SLC25A29: variants seen among roughly 807,000 people sequenced by gnomAD.
SLC25A29 encodes solute carrier family 25 member 29.
In SLC25A29, 13 loss-of-function variants were observed where a neutral mutation model predicts 10.0. The observed-to-expected ratio is 1.30, with a 90% confidence interval of 0.85 to 2.07. The LOEUF is 2.07. Among genes scored for constraint, SLC25A29 ranks in the 30% most tolerant of loss-of-function variants. The pLI, the probability that SLC25A29 is intolerant of heterozygous loss-of-function variation, is 0.00. For missense variants in SLC25A29, 475 were observed against 447.6 expected (o/e 1.06, Z -0.55); for synonymous variants, 244 against 221.1 (o/e 1.10, Z -0.92).
intron 2 of SLC25A29, 152 bp downstream of exon 2, chr14:100,298,690 G>C (rs956900147): frequency 4.4e-5 from 43 of 967,390 alleles, no homozygotes; most frequent in Non-Finnish European, 6.6e-5. Flanking sequence ...GGAGATGCCA[G>C]GACAAAGCAG....
At chr14:100,302,396 G>A (rs536093206) in intron 1 of SLC25A29, among the ~76,000 whole-genome samples, 1 of 141,162 alleles carries the variant, frequency 7.1e-6, no homozygotes, top group Non-Finnish European at 1.5e-5. Context: ...GTCTTGCTCT[G>A]TCACCCAGGC....
chr14:100,292,972 GC>G lies in SLC25A29; in HGVS notation c.222del (p.Leu75TrpfsTer272), dbSNP rs773397598. On this transcript the variant is annotated frameshift_variant, in exon 4 of 4. Transcript: ENST00000359232. LOFTEE classifies it low-confidence loss of function (END_TRUNC). The stretch of plus-strand genomic sequence containing the variant: ...GTGTTGCCCTGCACCCCGAACACCA[GC>G]GCGTTGATGAAGGTGAGCCCCATGA... ...SPLMGLTFIN[A>X]LVFGVQGNTL... 3.8e-6 allele frequency: 6 copies of G among 1,598,828 alleles called. No homozygotes were observed. The South Asian group carries it at 6.7e-5, about 18-fold the overall frequency.
At chr14:100,278,836 A>G in the SLC25A29 span, 2 of 152,248 alleles carry the variant, frequency 1.3e-5, no homozygotes, top group African/African-American at 4.8e-5. Context: ...GCAGTGGGGC[A>G]CACAGAGGGA....
chr14:100,282,257 T>G, the SLC25A29 span: 1 of 151,456 alleles, frequency 6.6e-6, no homozygotes, highest in Non-Finnish European at 1.5e-5. Flanking sequence ...GTGGCAAGTT[T>G]GATCAAATTG....
At chr14:100,287,625 A>ACCCC (rs1475358138), downstream of SLC25A29, among the ~76,000 whole-genome samples, 31 of 76,012 alleles carry the variant, frequency 4.1e-4, no homozygotes, top group Admixed American at 5.8e-4. Context: ...CCACTGGAGC[A>ACCCC]CCACCCCCCC....
chr14:100,295,756 G>T, intron 2 of SLC25A29: 1 of 1,289,350 alleles, frequency 7.8e-7, no homozygotes. Context: ...ACATCCAGGC[G>T]CGGAGCCCCC....
chr14:100,293,479 G>C, intron 2 of SLC25A29, 102 bp from the exon 3 acceptor site: 1 of 980,098 alleles, frequency 1.0e-6, no homozygotes, highest in Admixed American at 2.0e-5. Context: ...CAAGGAGGCC[G>C]GGCACTCAGG....
chr14:100,282,846 C>G, the SLC25A29 span: 1 of 152,212 alleles, frequency 6.6e-6, no homozygotes, highest in Non-Finnish European at 1.5e-5. Flanking sequence ...TTTAGTGTTT[C>G]ACTGCACATG....
intron 1 of SLC25A29, among the ~76,000 whole-genome samples, chr14:100,302,423 G>A (rs567405404): frequency 2.0e-5 from 3 of 149,902 alleles, no homozygotes; most frequent in East Asian, 3.9e-4. Flanking sequence ...GCAATGGCGC[G>A]ATCTCGGCTC....
At chr14:100,297,417 G>T (rs1274764039) in intron 2 of SLC25A29, among the ~76,000 whole-genome samples, 4 of 152,196 alleles carry the variant, frequency 2.6e-5, no homozygotes, top group African/African-American at 2.4e-5. Flanking sequence ...AGCCCAGCAG[G>T]TCTGGCCAAT....
downstream of SLC25A29, among the ~76,000 whole-genome samples, chr14:100,289,058 C>T (rs551873710): frequency 6.6e-5 from 10 of 152,298 alleles, no homozygotes; most frequent in Non-Finnish European, 1.2e-4. Context: ...TGGCAGCGAT[C>T]GGAGCGATGC....
chr14:100,285,596 C>A, the SLC25A29 span, among the ~76,000 whole-genome samples: 1 of 152,068 alleles, frequency 6.6e-6, no homozygotes, highest in Non-Finnish European at 1.5e-5. Context: ...GCGTCCCCCG[C>A]GCGGAGTGAG....
chr14:100,286,475 G>GGC (rs1555371673), downstream of SLC25A29, among the ~76,000 whole-genome samples: 1 of 141,308 alleles, frequency 7.1e-6, no homozygotes, highest in Admixed American at 7.1e-5. Flanking sequence ...ATGGCTGGGG[G>GGC]GGGGGGTGTT....
chr14:100,306,054 C>G (rs955750066), intron 1 of SLC25A29, 145 bp downstream of exon 1: 2 of 533,558 alleles, frequency 3.7e-6, no homozygotes, highest in African/African-American at 2.0e-5. Context: ...CCACGAGACC[C>G]GCCCGAGGCA....
At chr14:100,287,433 G>A (rs1220743026), downstream of SLC25A29, among the ~76,000 whole-genome samples, 1 of 151,736 alleles carries the variant, frequency 6.6e-6, no homozygotes, top group Non-Finnish European at 1.5e-5. Flanking sequence ...AGAGACAAAT[G>A]CCTTGGCAGT....
intron 1 of SLC25A29, 70 bp downstream of exon 1, chr14:100,306,129 G>C (rs1892928921): frequency 8.5e-7 from 1 of 1,173,672 alleles, no homozygotes; most frequent in Admixed American, 3.7e-5. Flanking sequence ...CGAGGCCAGG[G>C]CGTGCTGGTG....
intron 1 of SLC25A29, among the ~76,000 whole-genome samples, chr14:100,300,137 G>C (rs1892443282): frequency 6.6e-6 from 1 of 152,162 alleles, no homozygotes; most frequent in African/African-American, 2.4e-5. Flanking sequence ...CAGGTGTGGT[G>C]GCGGGTGCCT....
rs773645163 is a variant in SLC25A29, at chr14:100,292,137, C to G, written c.*146G>C. The G allele has an allele frequency of 3.7e-5, 40 of 1,094,732 alleles. No homozygotes were observed. The African/African-American group carries it at 5.1e-4, about 14-fold the overall frequency. 67.8% of individuals were successfully genotyped at this position (1,094,732 alleles called of 1,614,324 possible). ...CAAGTGCAGTTCTCGGCCAAAACTA[C>G]CCAGCTGATCAGCAAAATTCAGCCC... is the stretch of plus-strand genomic sequence containing the variant. On this transcript the variant is annotated 3_prime_UTR_variant, in exon 4 of 4. Transcript: ENST00000359232.
chr14:100,297,167 C>A (rs1233255960), intron 2 of SLC25A29, among the ~76,000 whole-genome samples: 2 of 152,212 alleles, frequency 1.3e-5, no homozygotes, highest in East Asian at 3.8e-4. Flanking sequence ...GCTGGAGCGA[C>A]AGAGTGGCAA....
Sources: gnomAD v4.1 joint callset for allele counts (sites outside exome capture counted in the v4.1 genomes callset) on GRCh38, gnomAD v4.1.1 for gene constraint, MANE v1.5 for transcripts, NCBI Gene and HGNC (gene_info 2026-07-23, HGNC 2026-07-21) for gene names.